CHLSN: variants seen among roughly 807,000 people sequenced by gnomAD.
The protein encoded by CHLSN is protein cholesin.
At chr7:1,012,157 C>T in the CHLSN span, among the ~76,000 whole-genome samples, 3 of 152,354 alleles carry the variant, frequency 2.0e-5, no homozygotes, top group East Asian at 1.9e-4. Flanking sequence ...ACGCAGTCCA[C>T]GGCTGATCAC....
At chr7:981,569 C>A in the CHLSN span, among the ~76,000 whole-genome samples, 1 of 151,838 alleles carries the variant, frequency 6.6e-6, no homozygotes, top group Non-Finnish European at 1.5e-5. Flanking sequence ...CAAAAAGTAG[C>A]CAGGTGTGGT....
the CHLSN span, chr7:1,043,913 C>T: frequency 1.3e-5 from 2 of 152,264 alleles, no homozygotes; most frequent in Non-Finnish European, 2.9e-5. Context: ...AGATCCTGAA[C>T]CAGAATGTGC....
the CHLSN span, among the ~76,000 whole-genome samples, chr7:1,081,301 G>A: frequency 4.6e-5 from 7 of 152,224 alleles, no homozygotes; most frequent in South Asian, 4.1e-4. Context: ...AGAGGGCTTC[G>A]GGGATAACTG....
chr7:1,066,631 G>A, the CHLSN span, among the ~76,000 whole-genome samples: 2 of 152,214 alleles, frequency 1.3e-5, no homozygotes, highest in Non-Finnish European at 2.9e-5. Context: ...CTGTCCACGG[G>A]ATGCCCAGAG....
chr7:1,103,081 G>C, the CHLSN span, among the ~76,000 whole-genome samples: 1 of 152,214 alleles, frequency 6.6e-6, no homozygotes, highest in Non-Finnish European at 1.5e-5. Context: ...CCGGGGTCTG[G>C]ATGGGGTCTC....
chr7:1,076,806 C>T, the CHLSN span, among the ~76,000 whole-genome samples: 1 of 152,372 alleles, frequency 6.6e-6, no homozygotes, highest in South Asian at 2.1e-4. Flanking sequence ...TGGGGACTTG[C>T]ACGCCTTGCC....
the CHLSN span, among the ~76,000 whole-genome samples, chr7:1,123,537 C>T: frequency 6.6e-6 from 1 of 152,050 alleles, no homozygotes; most frequent in Non-Finnish European, 1.5e-5. The surrounding 1 kb of genome is among the most constrained non-coding windows in gnomAD (Gnocchi z 4.4). Context: ...AATGCTGCTC[C>T]CCAGGCCCAG....
At chr7:1,011,521 CCAGACACCTG>C in the CHLSN span, among the ~76,000 whole-genome samples, 1 of 148,262 alleles carries the variant, frequency 6.7e-6, no homozygotes, top group African/African-American at 2.6e-5. Flanking sequence ...ACACCCACAC[CCAGACACCTG>C]CAGACACCCA....
the CHLSN span, chr7:1,091,854 G>A: frequency 6.2e-7 from 1 of 1,612,552 alleles, no homozygotes; most frequent in Non-Finnish European, 8.5e-7. Flanking sequence ...GCACCGCCCT[G>A]GCCAATGGGA....
At chr7:984,416 CAGA>C in the CHLSN span, 1 of 1,547,626 alleles carries the variant, frequency 6.5e-7, no homozygotes, top group Non-Finnish European at 8.7e-7. Context: ...TGCCAGCTCT[CAGA>C]ACGCTACGGG....
the CHLSN span, among the ~76,000 whole-genome samples, chr7:1,089,872 C>G: frequency 3.3e-5 from 5 of 151,878 alleles, no homozygotes; most frequent in Admixed American, 6.6e-5. Flanking sequence ...CACTACAGGT[C>G]AGAAGTTCGA....
the CHLSN span, among the ~76,000 whole-genome samples, chr7:1,037,185 T>C: frequency 1.4e-5 from 2 of 145,272 alleles, 1 homozygote; most frequent in Non-Finnish European, 3.1e-5. Context: ...CTACAAAAAA[T>C]CTGTAGTTAT....
chr7:983,445 CT>C, the CHLSN span: 1 of 1,362,164 alleles, frequency 7.3e-7, no homozygotes, highest in East Asian at 2.9e-5. Flanking sequence ...CCTGGCCCCC[CT>C]CCTGGGGAAG....
At chr7:1,055,690 A>G in the CHLSN span, among the ~76,000 whole-genome samples, 1 of 152,138 alleles carries the variant, frequency 6.6e-6, no homozygotes, top group African/African-American at 2.4e-5. Flanking sequence ...GGCCCTTGGC[A>G]AGCTCTGTGG....
the CHLSN span, among the ~76,000 whole-genome samples, chr7:1,016,977 C>A: frequency 1.5e-5 from 1 of 67,362 alleles, no homozygotes; most frequent in Non-Finnish European, 2.9e-5. Context: ...CGCCAGCACA[C>A]ACCAGCGCAC....
chr7:1,072,467 C>T, the CHLSN span, among the ~76,000 whole-genome samples: 45 of 152,284 alleles, frequency 3.0e-4, no homozygotes, highest in Admixed American at 1.2e-3. Context: ...AAGGGCTGTG[C>T]GTTCTGCTTC....
At chr7:1,009,885 G>A in the CHLSN span, 86 of 1,354,934 alleles carry the variant, frequency 6.3e-5, no homozygotes, top group East Asian at 1.0e-3. Flanking sequence ...TGAAGGCTTC[G>A]ACCCCCTCAG....
chr7:983,257 G>T, the CHLSN span: 1 of 1,540,666 alleles, frequency 6.5e-7, no homozygotes, highest in Non-Finnish European at 8.8e-7. Context: ...GGGGCTCTGG[G>T]GGCTGCTCTG....
the CHLSN span, among the ~76,000 whole-genome samples, chr7:993,182 G>T: frequency 6.6e-6 from 1 of 152,186 alleles, no homozygotes; most frequent in Non-Finnish European, 1.5e-5. Context: ...CCCAGTGGGC[G>T]GGGGGTGGCC....
Sources: gnomAD v4.1 joint callset for allele counts (sites outside exome capture counted in the v4.1 genomes callset) on GRCh38, gnomAD v4.1.1 for gene constraint, Gnocchi (gnomAD v3.1) non-coding constraint, MANE v1.5 for transcripts, NCBI Gene and HGNC (gene_info 2026-07-23, HGNC 2026-07-21) for gene names.